ADGRL3: variants seen among roughly 807,000 people sequenced by gnomAD.
ADGRL3 encodes the protein calcium-independent alpha-latrotoxin receptor 3.
ADGRL3 carries 62 observed loss-of-function variants against 153.5 expected under a neutral mutation model. The observed-to-expected ratio is 0.40, with a 90% CI of 0.33 to 0.50. ADGRL3 has a LOEUF of 0.50. Ranked by LOEUF, ADGRL3 falls within the 20% of genes least tolerant of loss-of-function variation. The pLI, the probability that ADGRL3 is intolerant of heterozygous loss-of-function variation, is 0.47. For missense variants in ADGRL3, 1,641 were observed against 1,859.4 expected (o/e 0.88, Z 2.16); for synonymous variants, 710 against 672.5 (o/e 1.06, Z -0.86).
chr4:61,897,206 A>C (rs1180349391), intron 11 of ADGRL3, among the ~76,000 whole-genome samples: 1 of 152,182 alleles, frequency 6.6e-6, no homozygotes, highest in African/African-American at 2.4e-5. Context: ...CTATTCTTCC[A>C]GTGCATTTTG....
At chr4:61,400,991 T>C (rs866039233) in intron 2 of ADGRL3, among the ~76,000 whole-genome samples, 20 of 151,768 alleles carry the variant, frequency 1.3e-4, no homozygotes, top group African/African-American at 4.6e-4. Flanking sequence ...TTTGAATTTA[T>C]CTTTTCTCAT....
At chr4:61,281,452 C>A (rs9997239) in intron 1 of ADGRL3, among the ~76,000 whole-genome samples, 117,083 of 151,610 alleles carry the variant, frequency 0.77, 45,731 homozygotes, top group Non-Finnish European at 0.84. Flanking sequence ...AGAGGACTTA[C>A]AATGCTTGCA....
At chr4:61,449,853 G>A (rs2097652671) in intron 2 of ADGRL3, among the ~76,000 whole-genome samples, 1 of 152,134 alleles carries the variant, frequency 6.6e-6, no homozygotes, top group Non-Finnish European at 1.5e-5. Flanking sequence ...GGCAACCTGA[G>A]TTTCTCCACC....
intron 5 of ADGRL3, among the ~76,000 whole-genome samples, chr4:61,657,136 A>T (rs952757985): frequency 1.3e-5 from 2 of 152,188 alleles, no homozygotes; most frequent in African/African-American, 4.8e-5. Flanking sequence ...TTGTGATTGT[A>T]CTTCACTCTT....
At chr4:62,035,777 A>G (rs1382025567) in intron 23 of ADGRL3, among the ~76,000 whole-genome samples, 2 of 152,064 alleles carry the variant, frequency 1.3e-5, no homozygotes, top group Admixed American at 6.6e-5. Context: ...ATCATAGAGC[A>G]CCCATGAAAT....
intron 4 of ADGRL3, among the ~76,000 whole-genome samples, chr4:61,577,015 ACAAGG>A (rs2098889234): frequency 6.6e-6 from 1 of 152,064 alleles, no homozygotes; most frequent in African/African-American, 2.4e-5. Flanking sequence ...AGAAGTTATT[ACAAGG>A]TCTCTGTTGT....
At chr4:61,993,164 T>TTGTGTGTGTGTGTG (rs3065140) in intron 19 of ADGRL3, among the ~76,000 whole-genome samples, 23 of 138,506 alleles carry the variant, frequency 1.7e-4, no homozygotes, top group South Asian at 5.0e-4. Context: ...TGGGCTGCAG[T>TTGTGTGTGTGTGTG]TGTGTGTGTG....
chr4:61,738,795 CTG>C (rs1198922244), intron 8 of ADGRL3, among the ~76,000 whole-genome samples: 2 of 152,112 alleles, frequency 1.3e-5, no homozygotes, highest in Non-Finnish European at 2.9e-5. Flanking sequence ...CTGTGAAACA[CTG>C]TTTTCAACAA....
intron 9 of ADGRL3, among the ~76,000 whole-genome samples, chr4:61,815,710 A>T (rs1218182818): frequency 6.6e-6 from 1 of 152,228 alleles, no homozygotes; most frequent in Non-Finnish European, 1.5e-5. Flanking sequence ...TTAGGAGATG[A>T]TTACGGCATA....
rs565222734 is a variant in ADGRL3, at chr4:61,371,958, G to C, written c.-239-11166G>C. The stretch of plus-strand genomic sequence containing the variant: ...TTTATTCTTTTTTCTCTAAACTTCC[G>C]TTCTTGCTTCATTTCATTCATTTCA... On this transcript the variant is annotated intron_variant, in intron 1 of 26. Coordinates refer to ENST00000683033, the MANE Select transcript of ADGRL3 (RefSeq NM_001387552.1). Among the ~76,000 whole-genome samples, 1,454 of 151,918 alleles carry C rather than the reference G, an allele frequency of 9.6e-3. 14 individuals carry two copies. Among genetic ancestry groups the C allele is most frequent in the Non-Finnish European group, 0.016 (1,054 of 67,942 alleles).
rs1459789085 is a variant in ADGRL3, at chr4:62,074,527, T to A, written c.*3619T>A. On this transcript the variant is annotated 3_prime_UTR_variant, in exon 27 of 27. Transcript: ENST00000683033. ...TGGTTGGAATTAAATTTTATGGGCG[T>A]CCCTTCTTGTTTCCACTATATTATA... 1 of 152,132 alleles carries A rather than the reference T, an allele frequency of 6.6e-6. No individual in the cohort carries two copies. The highest frequency in any genetic ancestry group is 6.6e-5 in the Admixed American group (1 of 15,266). 9.4% of individuals were successfully genotyped at this position (152,132 alleles called of 1,614,324 possible).
intron 1 of ADGRL3, among the ~76,000 whole-genome samples, chr4:61,284,794 G>T (rs956263079): frequency 6.6e-6 from 1 of 151,132 alleles, no homozygotes; most frequent in African/African-American, 2.4e-5. Context: ...TGGGGGAGGG[G>T]GTGGAAAATA....
chr4:61,479,043 TG>T (rs1459337901), intron 2 of ADGRL3, among the ~76,000 whole-genome samples: 1 of 152,108 alleles, frequency 6.6e-6, no homozygotes, highest in Non-Finnish European at 1.5e-5. Flanking sequence ...ACAGGTGAAC[TG>T]TCAAAATTTT....
rs1166619064 is a variant in ADGRL3 at position 61,732,956 on chromosome 4, C to T, written c.801C>T (p.Thr267=). 9 of 1,613,722 alleles carry T rather than the reference C, an allele frequency of 5.6e-6. No homozygotes were observed. In the South Asian group the frequency reaches 9.9e-5, roughly 18 times the overall value. Residue 267 remains threonine, a synonymous_variant, in exon 8 of 27, where the codon ACC becomes ACT. Coordinates refer to ENST00000683033, the MANE Select transcript of ADGRL3 (RefSeq NM_001387552.1). ...DDFIAGRPTT[T]YKLPHRVDGT... ...TCATTGCTGGAAGACCAACTACAAC[C>T]TACAAGCTCCCTCACAGGGTGGATG... is the stretch of plus-strand genomic sequence containing the variant.
intron 8 of ADGRL3, among the ~76,000 whole-genome samples, chr4:61,770,090 T>C (rs367702590): frequency 6.6e-6 from 1 of 152,334 alleles, no homozygotes; most frequent in East Asian, 1.9e-4. Flanking sequence ...AGTTTTATTC[T>C]AAAATTTTAG....
chr4:61,514,714 G>T (rs1302053637), intron 3 of ADGRL3, among the ~76,000 whole-genome samples: 1 of 151,990 alleles, frequency 6.6e-6, no homozygotes, highest in Non-Finnish European at 1.5e-5. Flanking sequence ...TCAATTTACA[G>T]TCAAAGTCGA....
chr4:61,328,502 G>A (rs2095507578), intron 1 of ADGRL3, among the ~76,000 whole-genome samples: 2 of 152,020 alleles, frequency 1.3e-5, no homozygotes, highest in African/African-American at 4.8e-5. Flanking sequence ...CATTTTTATA[G>A]GGGATGTTTT....
At chr4:62,034,041 C>T (rs1723629073) in intron 23 of ADGRL3, among the ~76,000 whole-genome samples, 3 of 151,628 alleles carry the variant, frequency 2.0e-5, no homozygotes, top group African/African-American at 7.3e-5. Flanking sequence ...GCATTTGGTA[C>T]CCAGGTAGAG....
intron 16 of ADGRL3, among the ~76,000 whole-genome samples, 199 bp downstream of exon 16, chr4:61,947,321 T>C (rs1005337481): frequency 1.3e-5 from 2 of 152,204 alleles, no homozygotes; most frequent in African/African-American, 4.8e-5. Flanking sequence ...TAAATACTTA[T>C]GGTGAAAGCA....
Sources: gnomAD v4.1 joint callset for allele counts (sites outside exome capture counted in the v4.1 genomes callset) on GRCh38, gnomAD v4.1.1 for gene constraint, MANE v1.5 for transcripts, NCBI Gene and HGNC (gene_info 2026-07-23, HGNC 2026-07-21) for gene names.